The following MAP2 variants were observed in gnomAD, a reference collection of about 807,000 sequenced individuals.
MAP2 encodes microtubule-associated protein 2.
Under a neutral mutation model 137.6 loss-of-function variants are expected in MAP2, and 14 were observed. That is an observed-to-expected ratio of 0.10 (90% confidence interval 0.07 to 0.16). The LOEUF is 0.16. MAP2 is among the 10% of genes least tolerant of loss of function. MAP2 has a pLI of 1.00. For synonymous variants in MAP2, 786 were observed against 782.3 expected, an observed-to-expected ratio of 1.00 and a Z score of -0.08; for missense variants, 2,088 against 2,191.5, an observed-to-expected ratio of 0.95 and a Z score of 0.94.
At chr2:209,432,973 C>A (rs911131112) in intron 1 of MAP2, among the ~76,000 whole-genome samples, 3 of 152,104 alleles carry the variant, frequency 2.0e-5, no homozygotes, top group Non-Finnish European at 2.9e-5. Context: ...GGGAGGGATT[C>A]ACTGTCTCTG....
At chr2:209,615,925 A>G (rs1183191857) in intron 3 of MAP2, among the ~76,000 whole-genome samples, 2 of 152,174 alleles carry the variant, frequency 1.3e-5, no homozygotes, top group Non-Finnish European at 2.9e-5. Flanking sequence ...ACCAATCAGC[A>G]CACACTCCCC....
At chr2:209,571,475 A>G (rs1368624696) in intron 2 of MAP2, among the ~76,000 whole-genome samples, 4 of 151,966 alleles carry the variant, frequency 2.6e-5, no homozygotes, top group Non-Finnish European at 5.9e-5. Context: ...TACTTTCACT[A>G]GATATTGCCA....
intron 1 of MAP2, among the ~76,000 whole-genome samples, chr2:209,427,152 ACT>A (rs919291322): frequency 3.9e-5 from 6 of 152,196 alleles, no homozygotes; most frequent in African/African-American, 1.4e-4. Flanking sequence ...CAAGTTGGTA[ACT>A]CTGATTATTG....
intron 2 of MAP2, among the ~76,000 whole-genome samples, chr2:209,578,447 G>C (rs80286842): frequency 6.7e-6 from 1 of 149,900 alleles, no homozygotes; most frequent in African/African-American, 2.4e-5. Flanking sequence ...CATATCATCT[G>C]TCTCTCAATT....
At chr2:209,517,438 C>T (rs1269682828) in intron 2 of MAP2, among the ~76,000 whole-genome samples, 4 of 152,088 alleles carry the variant, frequency 2.6e-5, no homozygotes, top group Non-Finnish European at 4.4e-5. Flanking sequence ...GGCACAATGC[C>T]AGCAGATGGC....
At chr2:209,459,312 G>A (rs71420755) in intron 1 of MAP2, among the ~76,000 whole-genome samples, 6,780 of 152,172 alleles carry the variant, frequency 0.045, 254 homozygotes, top group African/African-American at 0.096. Flanking sequence ...AGTGAGACAT[G>A]GAAAGCCCTA....
chr2:209,553,319 A>G (rs556934857), intron 2 of MAP2, among the ~76,000 whole-genome samples: 2 of 152,184 alleles, frequency 1.3e-5, no homozygotes, highest in South Asian at 2.1e-4. Context: ...CCTAAAAAGG[A>G]TGTATTTTTA....
At chr2:209,586,830 A>G (rs76950189) in intron 3 of MAP2, among the ~76,000 whole-genome samples, 1 of 152,194 alleles carries the variant, frequency 6.6e-6, no homozygotes, top group Non-Finnish European at 1.5e-5. Context: ...ATGTCCAGGC[A>G]AGAAAAATGA....
chr2:209,588,221 T>A (rs2153423836), intron 3 of MAP2, among the ~76,000 whole-genome samples: 1 of 152,360 alleles, frequency 6.6e-6, no homozygotes, highest in African/African-American at 2.4e-5. Flanking sequence ...GCCCATGCAT[T>A]CAATTGTTAA....
At chr2:209,600,887 C>T (rs1000575274) in intron 3 of MAP2, among the ~76,000 whole-genome samples, 3 of 152,116 alleles carry the variant, frequency 2.0e-5, no homozygotes, top group African/African-American at 7.2e-5. Context: ...GTAGCCTTTC[C>T]TGTAGGTTAA....
intron 3 of MAP2, among the ~76,000 whole-genome samples, chr2:209,605,939 C>A (rs1164001477): frequency 6.6e-6 from 1 of 152,128 alleles, no homozygotes; most frequent in East Asian, 1.9e-4. Flanking sequence ...ATCTGGAAAT[C>A]AACTCAAGAG....
chr2:209,601,727 T>A (rs776155005), intron 3 of MAP2, among the ~76,000 whole-genome samples: 2 of 152,130 alleles, frequency 1.3e-5, no homozygotes, highest in African/African-American at 4.8e-5. Flanking sequence ...TCTTGGGAGG[T>A]TGAATCACAT....
chr2:209,607,721 G>A (rs901206805), intron 3 of MAP2, among the ~76,000 whole-genome samples: 2 of 152,146 alleles, frequency 1.3e-5, no homozygotes, highest in East Asian at 1.9e-4. Context: ...AGGCATGAGC[G>A]ACTGTGCCCG....
chr2:209,460,655 T>G (rs1043444786), intron 1 of MAP2, among the ~76,000 whole-genome samples: 3 of 152,044 alleles, frequency 2.0e-5, no homozygotes, highest in Non-Finnish European at 4.4e-5. Context: ...CACTCTCTTT[T>G]TTCATCTTTT....
At position 209,694,374 on chromosome 2, in the gene MAP2, C is replaced by T; in HGVS notation, c.2204C>T (p.Thr735Ile). 2 of 1,614,086 alleles carry T rather than the reference C, an allele frequency of 1.2e-6. No homozygotes were observed. Among genetic ancestry groups the T allele is most frequent in the Non-Finnish European group, 1.7e-6 (2 of 1,180,000 alleles). ...SPLASDILTNTSGSMDEGDDY... is the reference protein window; with the variant it reads ...SPLASDILTNISGSMDEGDDY... ...CTGGCTTCCGATATTCTAACCAACA[C>T]TAGTGGAAGTATGGATGAAGGGGAT... is the stretch of plus-strand genomic sequence containing the variant. The change falls in exon 8 of 16, where the codon ACT (threonine) becomes ATT (isoleucine). Residue 735 changes from threonine (T) to isoleucine (I), a missense_variant. Thr to Ile is a moderately conservative substitution (Grantham distance 89, BLOSUM62 -1). This residue lies in a region of MAP2 where 500 missense variants were observed against 482.9 expected (regional missense o/e 1.04). Coordinates refer to ENST00000682079, the MANE Select transcript of MAP2 (RefSeq NM_001375505.1).
chr2:209,600,041 T>C (rs1025878920), intron 3 of MAP2, among the ~76,000 whole-genome samples: 2 of 152,188 alleles, frequency 1.3e-5, no homozygotes, highest in Non-Finnish European at 2.9e-5. Flanking sequence ...TGAAACTGAA[T>C]GGTAAAGTTT....
chr2:209,470,575 G>C (rs1006171404), intron 1 of MAP2, among the ~76,000 whole-genome samples: 1 of 151,718 alleles, frequency 6.6e-6, no homozygotes, highest in Admixed American at 6.6e-5. Flanking sequence ...AGTGGGTAAG[G>C]GTAAAATCTC....
chr2:209,676,949 T>G (rs2153679807), intron 5 of MAP2, among the ~76,000 whole-genome samples: 1 of 151,526 alleles, frequency 6.6e-6, no homozygotes, highest in African/African-American at 2.4e-5. Flanking sequence ...TTTTGTAACA[T>G]TATTAAACAA....
At chr2:209,581,779 G>T (rs2076474687) in intron 3 of MAP2, among the ~76,000 whole-genome samples, 1 of 152,148 alleles carries the variant, frequency 6.6e-6, no homozygotes, top group Non-Finnish European at 1.5e-5. Context: ...CCAATGCGTT[G>T]TCAATAGGAA....
Sources: gnomAD v4.1 joint callset for allele counts (sites outside exome capture counted in the v4.1 genomes callset) on GRCh38, gnomAD v4.1.1 for gene constraint, gnomAD v4.1.1 regional missense constraint, MANE v1.5 for transcripts, NCBI Gene and HGNC (gene_info 2026-07-23, HGNC 2026-07-21) for gene names.